Variants in MDFIC2 observed in about 807,000 individuals in gnomAD.
MDFIC2 encodes the protein myoD family inhibitor domain-containing protein 2.
intron 3 of MDFIC2, among the ~76,000 whole-genome samples, chr3:70,199,390 A>AT (rs1008167706): frequency 4.0e-5 from 6 of 151,722 alleles, no homozygotes; most frequent in African/African-American, 1.5e-4. Context: ...GAAAAAAAAA[A>AT]GTTTTGGCTT....
intron 2 of MDFIC2, among the ~76,000 whole-genome samples, chr3:70,311,321 G>T (rs1244271020): frequency 6.6e-6 from 1 of 152,130 alleles, no homozygotes; most frequent in Non-Finnish European, 1.5e-5. Context: ...CACAGGTTTA[G>T]CTGTATTTTC....
intron 2 of MDFIC2, among the ~76,000 whole-genome samples, chr3:70,273,005 C>T (rs1522337): frequency 0.33 from 49,625 of 151,972 alleles, 8,571 homozygotes; most frequent in East Asian, 0.49. Flanking sequence ...AAATCACTTC[C>T]TCCCTTATCA....
chr3:70,274,056 C>CGT (rs111792704), intron 2 of MDFIC2, among the ~76,000 whole-genome samples: 68,748 of 142,644 alleles, frequency 0.48, 16,370 homozygotes, highest in Admixed American at 0.51. Context: ...ATTAAACCTC[C>CGT]GTGTGTGTGT....
intron 2 of MDFIC2, among the ~76,000 whole-genome samples, chr3:70,219,804 T>A (rs1701446128): frequency 6.6e-6 from 1 of 152,120 alleles, no homozygotes; most frequent in African/African-American, 2.4e-5. Context: ...AGAATTCAAG[T>A]TATGATGGCA....
Position 70,291,311 on chromosome 3 carries a change from A to AT in MDFIC2, c.88+20574dup, listed in dbSNP as rs547967163. 6.7e-3 allele frequency: 1,013 copies of AT among 150,724 alleles called. 5 individuals carry two copies. Among genetic ancestry groups the AT allele is most frequent in the Non-Finnish European group, 0.011 (726 of 67,612 alleles). The allele number at this position is 150,724 out of a possible 1,614,324, so 9.3% of individuals were successfully genotyped here. A position where few individuals can be genotyped will look rare whatever the true frequency, so the allele number is the denominator to read the frequency against. On this transcript the variant is annotated intron_variant, in intron 2 of 3. Coordinates refer to ENST00000567252, the MANE Select transcript of MDFIC2 (RefSeq NM_001364677.1). Reference sequence around the variant, plus strand: ...TGGGAATAATAATAGCAGCCAACTCATTTTTTTTTAGACAATTCAGTGAAT... The same window carrying AT: ...TGGGAATAATAATAGCAGCCAACTCATTTTTTTTTTAGACAATTCAGTGAAT...
intron 2 of MDFIC2, among the ~76,000 whole-genome samples, chr3:70,236,547 T>TTAAAGTCCA (rs1701610849): frequency 6.6e-6 from 1 of 152,210 alleles, no homozygotes; most frequent in South Asian, 2.1e-4. Flanking sequence ...TATTAATTTT[T>TTAAAGTCCA]TAAAGTCCAT....
intron 2 of MDFIC2, among the ~76,000 whole-genome samples, chr3:70,237,109 C>A (rs1449431031): frequency 6.6e-6 from 1 of 152,122 alleles, no homozygotes; most frequent in East Asian, 1.9e-4. Context: ...TTTTCCAGAT[C>A]TTTTGCATTC....
At chr3:70,208,863 A>G (rs1378642978) in intron 2 of MDFIC2, among the ~76,000 whole-genome samples, 2 of 152,012 alleles carry the variant, frequency 1.3e-5, no homozygotes, top group Admixed American at 1.3e-4. Flanking sequence ...TCTTCCTTTT[A>G]TGTGCTGGCT....
chr3:70,231,278 G>T (rs769804082), intron 2 of MDFIC2, among the ~76,000 whole-genome samples: 6 of 152,116 alleles, frequency 3.9e-5, no homozygotes, highest in African/African-American at 9.7e-5. Flanking sequence ...GCACACGTTC[G>T]CTTAAGACGA....
intron 2 of MDFIC2, among the ~76,000 whole-genome samples, chr3:70,252,525 T>G (rs1701779172): frequency 6.6e-6 from 1 of 152,124 alleles, no homozygotes; most frequent in Non-Finnish European, 1.5e-5. Context: ...AGGTTACAAT[T>G]GCAAAAGCTA....
intron 2 of MDFIC2, among the ~76,000 whole-genome samples, chr3:70,299,339 CAA>C (rs3050184): frequency 0.19 from 29,205 of 151,662 alleles, 2,909 homozygotes; most frequent in South Asian, 0.28. Context: ...TATACACACA[CAA>C]ATATAAAGCA....
chr3:70,290,735 G>A (rs753357077), intron 2 of MDFIC2, among the ~76,000 whole-genome samples: 12 of 152,166 alleles, frequency 7.9e-5, no homozygotes, highest in African/African-American at 1.9e-4. Flanking sequence ...AGGACCCTCC[G>A]AGCCAGGTGC....
intron 2 of MDFIC2, among the ~76,000 whole-genome samples, chr3:70,297,990 T>A (rs191820299): frequency 1.3e-5 from 2 of 152,206 alleles, no homozygotes. Context: ...GGGGAGAAAT[T>A]TTTAAAAATT....
chr3:70,247,190 C>G (rs1457380289), intron 2 of MDFIC2, among the ~76,000 whole-genome samples: 1 of 151,854 alleles, frequency 6.6e-6, no homozygotes, highest in African/African-American at 2.4e-5. Flanking sequence ...GATGACTTCC[C>G]TGTGTTTTCA....
chr3:70,242,685 C>G (rs1184765477), intron 2 of MDFIC2, among the ~76,000 whole-genome samples: 2 of 152,138 alleles, frequency 1.3e-5, no homozygotes, highest in Admixed American at 1.3e-4. Flanking sequence ...GTATATCTAT[C>G]GAAGATAGCA....
intron 2 of MDFIC2, among the ~76,000 whole-genome samples, chr3:70,232,383 G>A (rs1701567463): frequency 6.6e-6 from 1 of 151,466 alleles, no homozygotes. Flanking sequence ...TCATGTGGCT[G>A]GACACAATGA....
intron 3 of MDFIC2, among the ~76,000 whole-genome samples, chr3:70,204,091 T>C (rs1701267985): frequency 6.6e-6 from 1 of 152,180 alleles, no homozygotes; most frequent in African/African-American, 2.4e-5. Flanking sequence ...AAAATCTGCA[T>C]GTGTGAGGCT....
intron 2 of MDFIC2, among the ~76,000 whole-genome samples, chr3:70,210,661 G>A (rs983110207): frequency 6.6e-6 from 1 of 152,074 alleles, no homozygotes; most frequent in African/African-American, 2.4e-5. Context: ...TAAGGAACTC[G>A]TGAAACTATA....
intron 2 of MDFIC2, among the ~76,000 whole-genome samples, chr3:70,272,713 A>G (rs1365641571): frequency 6.6e-6 from 1 of 152,236 alleles, no homozygotes; most frequent in Non-Finnish European, 1.5e-5. Context: ...GATAGAGTAC[A>G]TTGCATTGCT....
Sources: gnomAD v4.1 joint callset for allele counts (sites outside exome capture counted in the v4.1 genomes callset) on GRCh38, gnomAD v4.1.1 for gene constraint, MANE v1.5 for transcripts, NCBI Gene and HGNC (gene_info 2026-07-23, HGNC 2026-07-21) for gene names.